The following PTPN21 variants were observed in gnomAD, a reference collection of about 807,000 sequenced individuals.
The protein encoded by PTPN21 is tyrosine-protein phosphatase non-receptor type 21.
PTPN21 carries 77 observed loss-of-function variants against 131.8 expected under a neutral mutation model. That is an observed-to-expected ratio of 0.58 (90% confidence interval 0.49 to 0.71). The LOEUF (loss-of-function observed/expected upper bound fraction) is 0.71. Ranked by LOEUF, PTPN21 falls within the 30% of genes least tolerant of loss-of-function variation. The pLI, the probability that PTPN21 is intolerant of heterozygous loss-of-function variation, is 0.00. For missense variants in PTPN21, 1,552 were observed against 1,527.1 expected, an observed-to-expected ratio of 1.02 and a Z score of -0.27; for synonymous variants, 715 against 621.3, an observed-to-expected ratio of 1.15 and a Z score of -2.24.
At chr14:88,500,705 T>G (rs1595373512) in intron 8 of PTPN21, 78 bp downstream of exon 8, 1 of 996,936 alleles carries the variant, frequency 1.0e-6, no homozygotes, top group East Asian at 2.4e-5. Context: ...TTGTGAACAA[T>G]TTAACTGCTG....
chr14:88,479,300 T>C lies in PTPN21; in HGVS notation c.2131A>G (p.Ser711Gly), dbSNP rs768953998. The change falls in exon 13 of 19, where the codon AGC (serine) becomes GGC (glycine). Residue 711 changes from serine (S) to glycine (G), a missense_variant. By Grantham distance (56) the Ser-to-Gly change is moderately conservative. Around this residue, in one of 4 missense-constraint regions of PTPN21, gnomAD observed 1,016 missense variants for 883.5 expected, o/e 1.15. Transcript: ENST00000556564. ...AAGTCCTCGTCCTCCTCCTCCTCGC[T>C]GCTGTGGATTAGCATGGTGGCGTCC... Reference protein sequence around the residue: ...LSDATMLIHSSEEEEDEDFEE... With the variant: ...LSDATMLIHSGEEEEDEDFEE... The C allele has an allele frequency of 1.9e-6, 3 of 1,613,210 alleles. No individual in the cohort carries two copies. The African/African-American group carries it at 4.0e-5, about 22-fold the overall frequency.
intron 3 of PTPN21, 61 bp downstream of exon 3, chr14:88,517,031 G>C: frequency 6.4e-7 from 1 of 1,564,438 alleles, no homozygotes. Flanking sequence ...TTCAACCTTA[G>C]TTTCACTTTT....
chr14:88,538,414 G>C (rs2078659514), intron 2 of PTPN21, among the ~76,000 whole-genome samples: 1 of 152,254 alleles, frequency 6.6e-6, no homozygotes, highest in Middle Eastern at 3.4e-3. Flanking sequence ...CTCTGCCAGG[G>C]AACAAGCTCA....
intron 3 of PTPN21, among the ~76,000 whole-genome samples, chr14:88,511,305 T>C (rs1195267965): frequency 6.6e-6 from 1 of 152,154 alleles, no homozygotes. Context: ...TCTACTAAAG[T>C]GATTAAAAAA....
intron 10 of PTPN21, among the ~76,000 whole-genome samples, chr14:88,494,111 G>T (rs1438489889): frequency 1.3e-5 from 2 of 152,162 alleles, no homozygotes; most frequent in Non-Finnish European, 2.9e-5. Flanking sequence ...TAAAGAGACA[G>T]ATCATAGTGG....
At chr14:88,491,036 T>C (rs552385795) in intron 10 of PTPN21, among the ~76,000 whole-genome samples, 2 of 152,322 alleles carry the variant, frequency 1.3e-5, no homozygotes, top group East Asian at 3.9e-4. Context: ...ATTTCTGATC[T>C]AACAGGTTGA....
intron 4 of PTPN21, among the ~76,000 whole-genome samples, chr14:88,506,206 A>T (rs1027039802): frequency 6.6e-6 from 1 of 152,032 alleles, no homozygotes; most frequent in Non-Finnish European, 1.5e-5. Context: ...CAGGCATGGT[A>T]GCGCACACCT....
chr14:88,517,282 T>C (rs2078287413), intron 2 of PTPN21, 21 bp from the exon 3 acceptor site: 2 of 1,611,284 alleles, frequency 1.2e-6, no homozygotes, highest in East Asian at 4.5e-5. Context: ...AGAAGGTCAT[T>C]GAAGGAGGCA....
intron 3 of PTPN21, 69 bp downstream of exon 3, chr14:88,517,023 C>A (rs2078281418): frequency 6.5e-7 from 1 of 1,545,404 alleles, no homozygotes; most frequent in Non-Finnish European, 8.8e-7. Flanking sequence ...CTTCTGACTT[C>A]AACCTTAGTT....
At chr14:88,472,879 A>G (rs985709167) in intron 14 of PTPN21, among the ~76,000 whole-genome samples, 2 of 152,206 alleles carry the variant, frequency 1.3e-5, no homozygotes, top group East Asian at 3.9e-4. Context: ...TTCTAGGTGA[A>G]AATGAAGTTA....
chr14:88,505,262 A>G (rs768366771), intron 5 of PTPN21, 42 bp downstream of exon 5: 5 of 1,433,940 alleles, frequency 3.5e-6, no homozygotes, highest in Non-Finnish European at 3.9e-6. Flanking sequence ...TATAGGAATA[A>G]ACTGTTTCTT....
At chr14:88,477,932 A>C (rs1056141167) in intron 13 of PTPN21, among the ~76,000 whole-genome samples, 1 of 152,242 alleles carries the variant, frequency 6.6e-6, no homozygotes, top group South Asian at 2.1e-4. Context: ...ATTATGACTT[A>C]ATAGAACATA....
Position 88,552,392 on chromosome 14 carries a change from T to C in PTPN21, c.-202-1773A>G, listed in dbSNP as rs1319381202. On this transcript the variant is annotated intron_variant, in intron 1 of 18. Transcript: ENST00000556564. ...CGTCTCTGGGAACAAGACAGCGTAA[T>C]GAGCATCGTGAGAAATCTAAGACGA... The C allele has an allele frequency of 5.9e-5, 9 of 152,238 alleles. No individual in the cohort carries two copies. In the East Asian group the frequency reaches 1.7e-3, roughly 29 times the overall value. 9.4% of individuals were successfully genotyped at this position (152,238 alleles called of 1,614,324 possible). A position where few individuals can be genotyped will look rare whatever the true frequency, so the allele number is the denominator to read the frequency against.
At chr14:88,505,675 G>T (rs944099102) in intron 4 of PTPN21, among the ~76,000 whole-genome samples, 3 of 152,140 alleles carry the variant, frequency 2.0e-5, no homozygotes, top group Non-Finnish European at 4.4e-5. Flanking sequence ...ATATATGCTT[G>T]CTTATGTACA....
chr14:88,484,994 C>A, intron 12 of PTPN21, 82 bp downstream of exon 12: 2 of 1,228,258 alleles, frequency 1.6e-6, no homozygotes, highest in Non-Finnish European at 2.4e-6. Flanking sequence ...CAAAAACTGT[C>A]CAGGCTTCAT....
chr14:88,467,971 G>C lies in PTPN21; in HGVS notation c.*166C>G. Reference sequence around the variant, plus strand: ...GGTTAGAAACCCCTCTTCAGCCTGTGCTTCGCACGTTTCCTTCAGCGTGCC... The same window carrying C: ...GGTTAGAAACCCCTCTTCAGCCTGTCCTTCGCACGTTTCCTTCAGCGTGCC... On this transcript the variant is annotated 3_prime_UTR_variant, in exon 19 of 19. Transcript: ENST00000556564. The C allele has an allele frequency of 1.1e-6, 1 of 910,356 alleles. No homozygotes were observed. The highest frequency in any genetic ancestry group is 1.7e-6 in the Non-Finnish European group (1 of 578,316). The allele number at this position is 910,356 out of a possible 1,614,324, so 56.4% of individuals were successfully genotyped here. A position where few individuals can be genotyped will look rare whatever the true frequency, so the allele number is the denominator to read the frequency against.
At chr14:88,540,563 A>G (rs1363261778) in intron 2 of PTPN21, among the ~76,000 whole-genome samples, 2 of 152,252 alleles carry the variant, frequency 1.3e-5, no homozygotes, top group Non-Finnish European at 2.9e-5. Flanking sequence ...ATCAAATGGT[A>G]TAAAGTTCAA....
chr14:88,495,487 C>G (rs749702940), intron 10 of PTPN21, among the ~76,000 whole-genome samples: 14 of 152,106 alleles, frequency 9.2e-5, no homozygotes, highest in Non-Finnish European at 1.6e-4. Flanking sequence ...ATGGAGAAAC[C>G]CTGTCTCTAC....
chr14:88,536,192 G>A (rs772402163), intron 2 of PTPN21, among the ~76,000 whole-genome samples: 1 of 152,156 alleles, frequency 6.6e-6, no homozygotes, highest in Admixed American at 6.5e-5. Flanking sequence ...AGAGAATTTT[G>A]TGAAACTTTC....
Sources: allele counts gnomAD v4.1 joint callset (sites outside exome capture counted in the v4.1 genomes callset), GRCh38; gene constraint gnomAD v4.1.1; regional missense constraint gnomAD v4.1.1; transcripts MANE v1.5; gene names NCBI Gene and HGNC (gene_info 2026-07-23, HGNC 2026-07-21).